Variants in ASAP2 observed in about 807,000 individuals in gnomAD.
ASAP2 encodes arf-GAP with SH3 domain, ANK repeat and PH domain-containing protein 2.
ASAP2 carries 45 observed loss-of-function variants against 131.4 expected under a neutral mutation model. The observed-to-expected ratio is 0.34, with a 90% CI of 0.27 to 0.44. The LOEUF (loss-of-function observed/expected upper bound fraction) is 0.44. ASAP2 is among the 20% of genes least tolerant of loss of function. The probability of loss-of-function intolerance (pLI) is 1.00; values close to 1 mark genes in which losing one functional copy is unlikely to be tolerated. For synonymous variants in ASAP2, 510 were observed against 503.0 expected (o/e 1.01, Z -0.19); for missense variants, 1,011 against 1,297.0 (o/e 0.78, Z 3.39).
chr2:9,361,456 TA>T (rs1402862572), intron 15 of ASAP2, among the ~76,000 whole-genome samples: 1 of 152,238 alleles, frequency 6.6e-6, no homozygotes, highest in African/African-American at 2.4e-5. Context: ...AGTTAAGCAG[TA>T]CGTAGGGTGT....
At chr2:9,287,700 A>G (rs758205018) in intron 2 of ASAP2, among the ~76,000 whole-genome samples, 2 of 152,188 alleles carry the variant, frequency 1.3e-5, no homozygotes. Flanking sequence ...TGAGGAAGTT[A>G]TAGAGGGAGG....
intron 3 of ASAP2, among the ~76,000 whole-genome samples, chr2:9,297,821 C>T (rs377472546): frequency 8.5e-5 from 13 of 152,136 alleles, no homozygotes; most frequent in South Asian, 4.2e-4. Context: ...TGTTTCAGGC[C>T]CATCTTACAC....
chr2:9,358,627 C>T, intron 14 of ASAP2, 129 bp from the exon 15 acceptor site: 5 of 1,167,988 alleles, frequency 4.3e-6, no homozygotes, highest in Non-Finnish European at 4.7e-6. Flanking sequence ...ACAAAGTTTC[C>T]AGCTGTGTTA....
chr2:9,290,323 C>G (rs1013674132), intron 2 of ASAP2, among the ~76,000 whole-genome samples: 1 of 152,194 alleles, frequency 6.6e-6, no homozygotes, highest in Non-Finnish European at 1.5e-5. Context: ...GATTCTCATG[C>G]CTCAGCCTCC....
At chr2:9,390,618 A>T (rs1427648754) in intron 22 of ASAP2, among the ~76,000 whole-genome samples, 1 of 151,948 alleles carries the variant, frequency 6.6e-6, no homozygotes, top group African/African-American at 2.4e-5. Flanking sequence ...TCTGCCCCCA[A>T]CCTGTGCCAG....
chr2:9,403,203 C>T, intron 27 of ASAP2, 50 bp from the exon 28 acceptor site: 2 of 1,555,330 alleles, frequency 1.3e-6, no homozygotes, highest in Non-Finnish European at 1.8e-6. Context: ...TTCAAAGTTT[C>T]CACCAACATT....
At chr2:9,370,332 G>T (rs1673850586) in intron 16 of ASAP2, among the ~76,000 whole-genome samples, 1 of 152,128 alleles carries the variant, frequency 6.6e-6, no homozygotes, top group African/African-American at 2.4e-5. Context: ...AGTTGTTGTT[G>T]GATTAAAGTC....
intron 2 of ASAP2, among the ~76,000 whole-genome samples, chr2:9,279,857 A>G (rs1411572371): frequency 6.6e-6 from 1 of 152,098 alleles, no homozygotes; most frequent in African/African-American, 2.4e-5. Flanking sequence ...AGATTTACAC[A>G]TACATATTTT....
intron 12 of ASAP2, among the ~76,000 whole-genome samples, chr2:9,352,178 C>T (rs1277489113): frequency 6.6e-6 from 1 of 151,978 alleles, no homozygotes; most frequent in Non-Finnish European, 1.5e-5. Flanking sequence ...GCCTTGGTAA[C>T]ATAGCAAGAC....
intron 7 of ASAP2, among the ~76,000 whole-genome samples, chr2:9,334,230 G>A (rs1671044455): frequency 6.9e-6 from 1 of 145,226 alleles, no homozygotes; most frequent in Admixed American, 6.9e-5. Context: ...TTTTAATAGA[G>A]TATTTTTAGG....
intron 1 of ASAP2, among the ~76,000 whole-genome samples, chr2:9,215,054 C>T (rs1211891403): frequency 1.3e-5 from 2 of 152,158 alleles, no homozygotes; most frequent in Non-Finnish European, 2.9e-5. Context: ...TCCTAGAGTG[C>T]ACTTACACAC....
At position 9,374,781 on chromosome 2, in the gene ASAP2, C is replaced by G; in HGVS notation, c.1583C>G (p.Ala528Gly). The change falls in exon 17 of 28, where the codon GCC (alanine) becomes GGC (glycine). Residue 528 changes from alanine (A) to glycine (G), a missense_variant. Ala to Gly is a moderately conservative substitution (Grantham distance 60). Transcript: ENST00000281419. ...AATGCAAGAAAGGACTACATCACAG[C>G]CAAGTACATCGAGAGGAGATACGCA... ...DMNARKDYIT[A>G]KYIERRYARK... 6.2e-7 allele frequency: 1 copy of G among 1,609,378 alleles called. No individual in the cohort carries two copies. The highest frequency in any genetic ancestry group is 8.5e-7 in the Non-Finnish European group (1 of 1,178,308).
intron 12 of ASAP2, among the ~76,000 whole-genome samples, chr2:9,352,212 A>AACACACACACACAC (rs58275721): frequency 1.7e-4 from 25 of 150,082 alleles, no homozygotes; most frequent in African/African-American, 5.4e-4. Context: ...AACACACACA[A>AACACACACACACAC]ACACACACAC....
intron 1 of ASAP2, among the ~76,000 whole-genome samples, chr2:9,209,362 T>C (rs1661371023): frequency 6.6e-6 from 1 of 152,228 alleles, no homozygotes; most frequent in African/African-American, 2.4e-5. Flanking sequence ...CTAATGTTCG[T>C]GTCTATTACC....
intron 18 of ASAP2, 30 bp downstream of exon 18, chr2:9,377,023 C>T (rs984455935): frequency 1.0e-5 from 16 of 1,576,414 alleles, no homozygotes; most frequent in Admixed American, 1.7e-5. Flanking sequence ...GGGAGGCACT[C>T]GTTTTCTCCT....
chr2:9,370,661 T>C (rs1234423475), intron 16 of ASAP2, among the ~76,000 whole-genome samples: 1 of 152,092 alleles, frequency 6.6e-6, no homozygotes, highest in Non-Finnish European at 1.5e-5. Flanking sequence ...GGGTCAGACA[T>C]GTGGTGCTTA....
chr2:9,285,862 C>T (rs1300343479), intron 2 of ASAP2, among the ~76,000 whole-genome samples: 1 of 152,154 alleles, frequency 6.6e-6, no homozygotes, highest in African/African-American at 2.4e-5. Context: ...CTTGAAAGTA[C>T]AAAGAAATGC....
At chr2:9,305,529 G>A (rs76484209) in intron 3 of ASAP2, among the ~76,000 whole-genome samples, 8,566 of 39,160 alleles carry the variant, frequency 0.22, 45 homozygotes, top group East Asian at 0.29. Flanking sequence ...ATTGGTGGAG[G>A]GGCTGTAATA....
At chr2:9,257,863 G>T (rs1431673176) in intron 1 of ASAP2, among the ~76,000 whole-genome samples, 1 of 152,166 alleles carries the variant, frequency 6.6e-6, no homozygotes, top group Non-Finnish European at 1.5e-5. Context: ...ATACAAAGGT[G>T]GCATTTTGGT....
Sources: gnomAD v4.1 joint callset for allele counts (sites outside exome capture counted in the v4.1 genomes callset) on GRCh38, gnomAD v4.1.1 for gene constraint, MANE v1.5 for transcripts, NCBI Gene and HGNC (gene_info 2026-07-23, HGNC 2026-07-21) for gene names.